RBFOX1: variants seen among roughly 807,000 people sequenced by gnomAD.
The protein encoded by RBFOX1 is RNA binding protein fox-1 homolog 1.
A neutral mutation model predicts 57.7 loss-of-function variants in RBFOX1; 8 were observed. That is an observed-to-expected ratio of 0.14 (90% CI 0.08 to 0.25). The LOEUF (loss-of-function observed/expected upper bound fraction) is 0.25, where lower values mean the gene tolerates loss of function less well. Among genes scored for constraint, RBFOX1 ranks in the 10% least tolerant of loss-of-function variants. The probability of loss-of-function intolerance (pLI) is 1.00; values close to 1 mark genes in which losing one functional copy is unlikely to be tolerated. For missense variants in RBFOX1, 611 were observed against 548.5 expected, an observed-to-expected ratio of 1.11 and a Z score of -1.14; for synonymous variants, 326 against 222.4, an observed-to-expected ratio of 1.47 and a Z score of -4.15.
intron 4 of RBFOX1, among the ~76,000 whole-genome samples, chr16:7,061,405 T>C (rs1598425277): frequency 6.6e-6 from 1 of 152,176 alleles, no homozygotes; most frequent in East Asian, 1.9e-4. Flanking sequence ...AGCCAACTAG[T>C]CACAGATTTT....
At chr16:5,466,040 T>A (rs933173284) in intron 1 of RBFOX1, among the ~76,000 whole-genome samples, 2 of 151,700 alleles carry the variant, frequency 1.3e-5, no homozygotes, top group Non-Finnish European at 2.9e-5. Context: ...GCTGGTGGAG[T>A]TCATGGGGAC....
intron 1 of RBFOX1, among the ~76,000 whole-genome samples, chr16:5,368,011 C>T (rs953608980): frequency 2.0e-4 from 30 of 152,134 alleles, no homozygotes; most frequent in African/African-American, 7.2e-4. Flanking sequence ...TCTTCTTAAG[C>T]AAGGAGGATC....
intron 2 of RBFOX1, among the ~76,000 whole-genome samples, chr16:6,361,457 G>A (rs1196983707): frequency 2.0e-5 from 3 of 151,808 alleles, no homozygotes; most frequent in East Asian, 1.9e-4. Flanking sequence ...GTGACACCCC[G>A]TGTCTACTAA....
chr16:6,860,770 C>G lies in RBFOX1; in HGVS notation c.-15-191287C>G, dbSNP rs536631529. Among the ~76,000 whole-genome samples the G allele has an allele frequency of 2.6e-5, 4 of 152,134 alleles. No individual in the cohort carries two copies. In the East Asian group the frequency reaches 7.7e-4, roughly 29 times the overall value. Reference sequence around the variant, plus strand: ...TAAATCTGAAAACCATAATGTTGAACAACAACAAAAAGTAATTTGCAGCAG... The same window carrying G: ...TAAATCTGAAAACCATAATGTTGAAGAACAACAAAAAGTAATTTGCAGCAG... On this transcript the variant is annotated intron_variant, in intron 3 of 15. Transcript: ENST00000550418.
intron 4 of RBFOX1, among the ~76,000 whole-genome samples, chr16:7,404,515 C>T (rs1316027545): frequency 6.6e-6 from 1 of 152,128 alleles, no homozygotes; most frequent in Admixed American, 6.5e-5. Context: ...TAAATGACCT[C>T]CATAGATAGG....
chr16:5,532,760 C>G (rs898143550), intron 2 of RBFOX1, among the ~76,000 whole-genome samples: 22 of 152,300 alleles, frequency 1.4e-4, no homozygotes, highest in African/African-American at 5.1e-4. Context: ...CTTCACTCAT[C>G]CAGGTCCTCC....
At chr16:5,851,974 A>G (rs760430947) in intron 3 of RBFOX1, among the ~76,000 whole-genome samples, 1 of 152,194 alleles carries the variant, frequency 6.6e-6, no homozygotes, top group Non-Finnish European at 1.5e-5. Context: ...CTTACGAGCC[A>G]TATGAGTTAG....
intron 4 of RBFOX1, among the ~76,000 whole-genome samples, chr16:5,930,233 G>A (rs2059021160): frequency 7.7e-6 from 1 of 129,120 alleles, no homozygotes; most frequent in Non-Finnish European, 1.6e-5. Context: ...ATGGATGGAT[G>A]GATGGATGGA....
At chr16:7,650,678 G>T (rs2064858876) in intron 11 of RBFOX1, among the ~76,000 whole-genome samples, 1 of 152,106 alleles carries the variant, frequency 6.6e-6, no homozygotes, top group Non-Finnish European at 1.5e-5. Flanking sequence ...TGGCTCACTC[G>T]GCTCCATAGC....
chr16:5,246,546 A>G (rs924740092), intron 1 of RBFOX1, among the ~76,000 whole-genome samples: 1 of 152,162 alleles, frequency 6.6e-6, no homozygotes, highest in African/African-American at 2.4e-5. Flanking sequence ...TGTCCCATGG[A>G]TCTCTTGAAC....
At chr16:5,360,171 C>T (rs78932807) in intron 1 of RBFOX1, among the ~76,000 whole-genome samples, 2,526 of 152,294 alleles carry the variant, frequency 0.017, 26 homozygotes, top group Non-Finnish European at 0.027. Context: ...CATCTGCAGC[C>T]GCCTACTCCA....
At chr16:5,809,070 G>A (rs1301213973) in intron 3 of RBFOX1, among the ~76,000 whole-genome samples, 1 of 152,100 alleles carries the variant, frequency 6.6e-6, no homozygotes, top group Non-Finnish European at 1.5e-5. Flanking sequence ...CAAGCAATGG[G>A]GAAAGGATTC....
At chr16:6,113,906 A>G (rs903863251) in intron 1 of RBFOX1, among the ~76,000 whole-genome samples, 4 of 152,154 alleles carry the variant, frequency 2.6e-5, no homozygotes, top group African/African-American at 9.7e-5. Flanking sequence ...CCGGCATAAT[A>G]ATGACATTTC....
chr16:7,137,882 G>T (rs1201791648), intron 4 of RBFOX1, among the ~76,000 whole-genome samples: 1 of 152,134 alleles, frequency 6.6e-6, no homozygotes, highest in Non-Finnish European at 1.5e-5. Flanking sequence ...TCTGTGATTT[G>T]CCAGATATTG....
intron 3 of RBFOX1, among the ~76,000 whole-genome samples, chr16:6,703,049 C>G (rs776679809): frequency 2.0e-4 from 31 of 152,216 alleles, no homozygotes; most frequent in Non-Finnish European, 4.1e-4. Flanking sequence ...GCCTATCTCA[C>G]TTGCCTCAAG....
At chr16:5,870,373 C>CAAAA (rs59398844) in intron 4 of RBFOX1, among the ~76,000 whole-genome samples, 1,973 of 91,020 alleles carry the variant, frequency 0.022, 37 homozygotes, top group East Asian at 0.1. Context: ...ATTTGTATGG[C>CAAAA]AAAAAAAAAA....
intron 2 of RBFOX1, among the ~76,000 whole-genome samples, chr16:6,627,846 C>T (rs1016248659): frequency 6.6e-6 from 1 of 152,130 alleles, no homozygotes; most frequent in South Asian, 2.1e-4. Context: ...AAGTGTGTCT[C>T]AGTACAAAAG....
chr16:6,448,026 T>G (rs546230878), intron 2 of RBFOX1, among the ~76,000 whole-genome samples: 1 of 152,286 alleles, frequency 6.6e-6, no homozygotes, highest in South Asian at 2.1e-4. Context: ...GTTAGAGTGT[T>G]GAGTTCTGGT....
At chr16:7,154,817 A>G (rs2076772696) in intron 4 of RBFOX1, among the ~76,000 whole-genome samples, 1 of 151,778 alleles carries the variant, frequency 6.6e-6, no homozygotes, top group South Asian at 2.1e-4. Context: ...TATGAGTATT[A>G]TTTAATGTTT....
Sources: allele counts gnomAD v4.1 joint callset (sites outside exome capture counted in the v4.1 genomes callset), GRCh38; gene constraint gnomAD v4.1.1; transcripts MANE v1.5; gene names NCBI Gene and HGNC (gene_info 2026-07-23, HGNC 2026-07-21).